Variants in UNC13D observed in about 807,000 individuals in gnomAD.
UNC13D encodes protein unc-13 homolog D.
A neutral mutation model predicts 151.7 loss-of-function variants in UNC13D; 115 were observed. The observed-to-expected ratio is 0.76, with a 90% confidence interval of 0.65 to 0.88. The LOEUF (loss-of-function observed/expected upper bound fraction) is 0.88, where lower values mean the gene tolerates loss of function less well. Ranked by LOEUF, UNC13D falls within the 40% of genes least tolerant of loss-of-function variation. The pLI, the probability that UNC13D is intolerant of heterozygous loss-of-function variation, is 0.00. For missense variants in UNC13D, 1,369 were observed against 1,438.7 expected (o/e 0.95, Z 0.78); for synonymous variants, 588 against 612.2 (o/e 0.96, Z 0.58).
chr17:75,842,219 T>C (rs1275552960), intron 6 of UNC13D, among the ~76,000 whole-genome samples: 6 of 152,236 alleles, frequency 3.9e-5, no homozygotes, highest in Non-Finnish European at 8.8e-5. Context: ...CTGACCCTCC[T>C]TGCCCCATCA....
At chr17:75,838,509 G>A (rs1043148979) in intron 12 of UNC13D, among the ~76,000 whole-genome samples, 5 of 151,842 alleles carry the variant, frequency 3.3e-5, no homozygotes, top group East Asian at 3.9e-4. Flanking sequence ...GCGAGCCACC[G>A]TGCCCGGCCG....
At chr17:75,834,766 G>C in intron 21 of UNC13D, 50 bp from the exon 22 acceptor site, 1 of 1,609,526 alleles carries the variant, frequency 6.2e-7, no homozygotes, top group Non-Finnish European at 8.5e-7. Flanking sequence ...GGGCATCCAG[G>C]AAGGGCAGGT....
intron 14 of UNC13D, 28 bp downstream of exon 14, chr17:75,836,544 A>C (rs770078527): frequency 6.2e-7 from 1 of 1,613,104 alleles, no homozygotes; most frequent in South Asian, 1.1e-5. Flanking sequence ...CCCTGACCCC[A>C]CCGAGGAAGA....
In UNC13D at chr17:75,833,732, G is replaced by A. The variant is rs1055712064; in HGVS notation, c.2367+343C>T. ...ATGAATATCCTTCTACCCGCCAGTC[G>A]AAGGTGTGCATCATGATATGCCCCC... On this transcript the variant is annotated intron_variant, in intron 24 of 31. Transcript: ENST00000207549. This position sits in a 1 kb window ranked among gnomAD's most constrained non-coding sequence, Gnocchi z 4.0. 6.6e-6 allele frequency among the ~76,000 whole-genome samples: 1 copy of A among 152,166 alleles called. No homozygotes were observed. The highest frequency in any genetic ancestry group is 1.5e-5 in the Non-Finnish European group (1 of 68,034).
Position 75,840,044 on chromosome 17 carries a change from C to T in UNC13D, c.925G>A (p.Val309Met). The T allele has an allele frequency of 6.2e-7, 1 of 1,613,586 alleles. No individual in the cohort carries two copies. The highest frequency in any genetic ancestry group is 8.5e-7 in the Non-Finnish European group (1 of 1,179,958). ...TCGTGCTGGGTGACCTCGTGGGACA[C>T]AAGCTGCTGCAGGAGGTGGAGGTGC... ...TVHLHLLQQL[V>M]SHEVTQHEAG... Residue 309 changes from valine (V) to methionine (M), a missense_variant, in exon 11 of 32, where the codon GTG becomes ATG. Transcript: ENST00000207549. The surrounding 1 kb of genome is among the most constrained non-coding windows in gnomAD (Gnocchi z 4.6).
In UNC13D at chr17:75,840,360, G is replaced by A. The variant is rs7226310; in HGVS notation, c.754-31C>T. 86,774 of 1,610,762 alleles carry A rather than the reference G, an allele frequency of 0.054. 3,960 individuals are homozygous for A. The highest frequency in any genetic ancestry group is 0.23 in the African/African-American group (17,291 of 74,860). On this transcript the variant is annotated intron_variant, in intron 9 of 31. Coordinates refer to ENST00000207549, the MANE Select transcript of UNC13D (RefSeq NM_199242.3). This position sits in a 1 kb window ranked among gnomAD's most constrained non-coding sequence, Gnocchi z 4.6. ...AGGCGGGGATGCCCAGCCCGTGAGCGTCAGAACCTCATAGAGTCGGGGCAG... is the reference window on the plus strand; with the variant it reads ...AGGCGGGGATGCCCAGCCCGTGAGCATCAGAACCTCATAGAGTCGGGGCAG...
intron 12 of UNC13D, among the ~76,000 whole-genome samples, chr17:75,839,491 T>C (rs937899825): frequency 4.6e-5 from 7 of 152,002 alleles, no homozygotes; most frequent in African/African-American, 7.3e-5. Flanking sequence ...CTGGATGGTA[T>C]GTCAAATCTC....
chr17:75,839,706 C>G, intron 12 of UNC13D, 133 bp downstream of exon 12: 1 of 1,012,146 alleles, frequency 9.9e-7, no homozygotes, highest in Non-Finnish European at 1.5e-6. Context: ...GCAACTGATT[C>G]AAAACTTAAA....
chr17:75,827,411 G>T lies in UNC13D; in HGVS notation c.*554C>A. The T allele has an allele frequency of 7.1e-7, 1 of 1,405,462 alleles. No individual in the cohort carries two copies. Among genetic ancestry groups the T allele is most frequent in the Non-Finnish European group, 9.3e-7 (1 of 1,079,716 alleles). The allele number at this position is 1,405,462 out of a possible 1,614,324, so 87.1% of individuals were successfully genotyped here. ...GCTCCCTCAGAGCCAGAAGGTTCTT[G>T]GCTCCAGGCTTCCTGGCCTGGATGC... On this transcript the variant is annotated 3_prime_UTR_variant, in exon 32 of 32. Coordinates refer to ENST00000207549, the MANE Select transcript of UNC13D (RefSeq NM_199242.3).
Position 75,840,576 on chromosome 17 carries a change from C to T in UNC13D, c.684G>A (p.Arg228=). The change falls in exon 9 of 32, where the codon AGG becomes AGA. Residue 228 remains arginine (R), a splice_region_variant and synonymous_variant. Coordinates refer to ENST00000207549, the MANE Select transcript of UNC13D (RefSeq NM_199242.3). The surrounding 1 kb of genome is among the most constrained non-coding windows in gnomAD (Gnocchi z 4.6). The part of the protein sequence containing the change: ...GELTDLHGLR[R]IFKEARKDKG... ...TGTCCTTCCGGGCCTCTTTAAAGAT[C>T]CTGCGTCAGGCAGGGTCCCATAAGG... is the stretch of plus-strand genomic sequence containing the variant. The T allele has an allele frequency of 6.2e-7, 1 of 1,614,036 alleles. No individual in the cohort carries two copies. Among genetic ancestry groups the T allele is most frequent in the Non-Finnish European group, 8.5e-7 (1 of 1,180,014 alleles).
Position 75,835,447 on chromosome 17 carries a change from C to A in UNC13D, c.1810G>T (p.Ala604Ser), listed in dbSNP as rs766829500. ...PSWLQKTYNE[A>S]LARVQRAVQM... is the part of the protein sequence containing the mutation. ...ACAGCGCGCTGCACCCGCGCCAGGG[C>A]CTCGTTGTACGTCTTCTGCAGCCAG... Residue 604 changes from alanine to serine, a missense_variant, in exon 20 of 32, where the codon GCC becomes TCC. By Grantham distance (99) the Ala-to-Ser change is moderately conservative. This residue lies in a region of UNC13D where 807 missense variants were observed against 795.5 expected (regional missense o/e 1.01). Coordinates refer to ENST00000207549, the MANE Select transcript of UNC13D (RefSeq NM_199242.3). 1 of 1,613,014 alleles carries A rather than the reference C, an allele frequency of 6.2e-7. No homozygotes were observed.
chr17:75,839,793 T>TG (rs1162453889), intron 12 of UNC13D, 46 bp downstream of exon 12: 4 of 1,597,344 alleles, frequency 2.5e-6, no homozygotes, highest in Non-Finnish European at 3.4e-6. Context: ...GCAGGGGGCG[T>TG]GGGGGGCTGG....
chr17:75,839,672 G>A (rs570517915), intron 12 of UNC13D, among the ~76,000 whole-genome samples, 167 bp downstream of exon 12: 5 of 152,174 alleles, frequency 3.3e-5, no homozygotes, highest in Non-Finnish European at 4.4e-5. Flanking sequence ...CGCATCAGCC[G>A]AATCTCTAGA....
rs1040717456 is a variant in UNC13D, at chr17:75,844,014, G to A, written c.117+207C>T. 1.3e-5 allele frequency: 18 copies of A among 1,423,656 alleles called. No homozygotes were observed. In the South Asian group the frequency reaches 1.5e-4, roughly 12 times the overall value. 88.2% of individuals were successfully genotyped at this position (1,423,656 alleles called of 1,614,324 possible). The stretch of plus-strand genomic sequence containing the variant: ...GGGGTTCTGAGAGCCTCAGACCACA[G>A]GGCCTGAGGCCCACAGTGGCCCAGA... On this transcript the variant is annotated intron_variant, in intron 1 of 31. Transcript: ENST00000207549.
At chr17:75,834,851 G>A (rs369545135) in intron 21 of UNC13D, 69 bp downstream of exon 21, 9 of 1,612,732 alleles carry the variant, frequency 5.6e-6, no homozygotes, top group South Asian at 2.2e-5. Context: ...GTGAGAGCAC[G>A]GGAGAAACGG....
chr17:75,831,134 G>A lies in UNC13D; in HGVS notation c.2589C>T (p.Gly863=). 6.2e-7 allele frequency: 1 copy of A among 1,614,010 alleles called. No homozygotes were observed. Among genetic ancestry groups the A allele is most frequent in the Non-Finnish European group, 8.5e-7 (1 of 1,180,042 alleles). ...LEICFHAEGC[G]LPPKALHTAT... ...CAGTGTGCAGGGCCTTGGGTGGCAG[G>A]CCACAGCCCTCAGCGTGGAAGCAGA... is the stretch of plus-strand genomic sequence containing the variant. Residue 863 remains glycine, a synonymous_variant, in exon 27 of 32, where the codon GGC becomes GGT. Transcript: ENST00000207549.
intron 14 of UNC13D, 64 bp downstream of exon 14, chr17:75,836,508 T>A (rs147732678): frequency 1.1e-3 from 1,708 of 1,612,740 alleles, no homozygotes; most frequent in Non-Finnish European, 1.4e-3. Context: ...CTCCCACTCC[T>A]GCAGGCACCC....
rs55661958 is a variant in UNC13D at position 75,840,065 on chromosome 17, G to A, written c.904C>T (p.Leu302Phe). The change falls in exon 11 of 32, where the codon CTC (leucine) becomes TTC (phenylalanine). Residue 302 changes from leucine to phenylalanine, a missense_variant. This residue lies in a region of UNC13D where 550 missense variants were observed against 609.0 expected (regional missense o/e 0.90). Coordinates refer to ENST00000207549, the MANE Select transcript of UNC13D (RefSeq NM_199242.3). The surrounding 1 kb of genome is among the most constrained non-coding windows in gnomAD (Gnocchi z 4.6). ...GACACAAGCTGCTGCAGGAGGTGGA[G>A]GTGCACGGTGTAGCTCGGCTGCGAG... is the stretch of plus-strand genomic sequence containing the variant. ...SRSQPSYTVH[L>F]HLLQQLVSHE... The A allele has an allele frequency of 1.9e-3, 3,065 of 1,613,592 alleles. 53 individuals are homozygous for A. In the African/African-American group the frequency reaches 0.035, roughly 18 times the overall value.
chr17:75,828,130 C>A (rs746242821), intron 31 of UNC13D, 44 bp from the exon 32 acceptor site: 1 of 1,558,918 alleles, frequency 6.4e-7, no homozygotes, highest in South Asian at 1.2e-5. Flanking sequence ...GGGGAGAGGG[C>A]AGTGCCTGGT....
Sources: gnomAD v4.1 joint callset for allele counts (sites outside exome capture counted in the v4.1 genomes callset) on GRCh38, gnomAD v4.1.1 for gene constraint, gnomAD v4.1.1 regional missense constraint, Gnocchi (gnomAD v3.1) non-coding constraint, MANE v1.5 for transcripts, NCBI Gene and HGNC (gene_info 2026-07-23, HGNC 2026-07-21) for gene names.